CHSY3: variants seen among roughly 807,000 people sequenced by gnomAD.
CHSY3 encodes N-acetylgalactosaminyl-proteoglycan 3-beta-glucuronosyltransferase 3.
Under a neutral mutation model 67.2 loss-of-function variants are expected in CHSY3, and 35 were observed. That is an observed-to-expected ratio of 0.52 (90% CI 0.40 to 0.69). The LOEUF is 0.69. Ranked by LOEUF, CHSY3 falls within the 30% of genes least tolerant of loss-of-function variation. CHSY3 has a pLI of 0.00. For synonymous variants in CHSY3, 474 were observed against 434.7 expected (o/e 1.09, Z -1.12); for missense variants, 1,069 against 1,138.5 (o/e 0.94, Z 0.88).
intron 2 of CHSY3, among the ~76,000 whole-genome samples, chr5:130,024,376 A>T (rs1764479925): frequency 6.6e-6 from 1 of 152,084 alleles, no homozygotes; most frequent in East Asian, 1.9e-4. Context: ...CCATTGCAGC[A>T]GTCTGTATTT....
At chr5:129,931,475 T>C (rs563089664) in intron 2 of CHSY3, among the ~76,000 whole-genome samples, 1 of 152,318 alleles carries the variant, frequency 6.6e-6, no homozygotes, top group Admixed American at 6.5e-5. Context: ...ATTTGATCTA[T>C]AGATATTTGA....
At chr5:130,167,661 T>C (rs1460680491) in intron 2 of CHSY3, among the ~76,000 whole-genome samples, 1 of 152,126 alleles carries the variant, frequency 6.6e-6, no homozygotes, top group Non-Finnish European at 1.5e-5. Context: ...TTACAATATA[T>C]AATACAATCT....
chr5:130,126,896 T>C (rs1436154296), intron 2 of CHSY3, among the ~76,000 whole-genome samples: 3 of 152,216 alleles, frequency 2.0e-5, no homozygotes, highest in Non-Finnish European at 4.4e-5. Context: ...GTGAGCCACC[T>C]CTGTCTGACT....
intron 2 of CHSY3, among the ~76,000 whole-genome samples, chr5:130,167,274 C>T (rs894177978): frequency 6.6e-6 from 1 of 151,896 alleles, no homozygotes; most frequent in South Asian, 2.1e-4. Flanking sequence ...TCAGGCCTTC[C>T]GTGTTTGCTA....
In CHSY3 at chr5:130,040,827, T is replaced by C. The variant is rs143275644; in HGVS notation, c.1086+132467T>C. On this transcript the variant is annotated intron_variant, in intron 2 of 2. Coordinates refer to ENST00000305031, the MANE Select transcript of CHSY3 (RefSeq NM_175856.5). The stretch of plus-strand genomic sequence containing the variant: ...CAAGGCTCTTCCTAAACTCTTTCAG[T>C]GTCTATTCTATACTGATCCCTTTGT... Among the ~76,000 whole-genome samples, 786 of 152,260 alleles carry C rather than the reference T, an allele frequency of 5.2e-3. 3 individuals are homozygous for C. Among genetic ancestry groups the C allele is most frequent in the African/African-American group, 0.018 (747 of 41,566 alleles).
At chr5:130,007,753 C>T (rs1253152512) in intron 2 of CHSY3, among the ~76,000 whole-genome samples, 5 of 152,122 alleles carry the variant, frequency 3.3e-5, no homozygotes, top group Non-Finnish European at 7.4e-5. Context: ...TCGCCAAATT[C>T]CTCTGGGTGG....
At chr5:130,081,089 G>T (rs1490159189) in intron 2 of CHSY3, among the ~76,000 whole-genome samples, 3 of 152,110 alleles carry the variant, frequency 2.0e-5, no homozygotes, top group African/African-American at 7.2e-5. Context: ...TGTTGGGCCT[G>T]CAGAGCAGGC....
At chr5:130,165,821 C>A (rs1769730996) in intron 2 of CHSY3, among the ~76,000 whole-genome samples, 1 of 151,968 alleles carries the variant, frequency 6.6e-6, no homozygotes, top group African/African-American at 2.4e-5. Flanking sequence ...CCCTATAAAT[C>A]ATATATGAAA....
chr5:130,105,713 C>T (rs549013005), intron 2 of CHSY3, among the ~76,000 whole-genome samples: 4 of 151,660 alleles, frequency 2.6e-5, no homozygotes, highest in Non-Finnish European at 5.9e-5. Context: ...CATCCTCAAT[C>T]ATTACTTTTC....
At chr5:130,160,270 G>T (rs1169469179) in intron 2 of CHSY3, among the ~76,000 whole-genome samples, 1 of 152,118 alleles carries the variant, frequency 6.6e-6, no homozygotes, top group East Asian at 1.9e-4. Context: ...CCCAATACTT[G>T]CCTTACTTAG....
At chr5:129,947,769 A>G (rs1761903931) in intron 2 of CHSY3, among the ~76,000 whole-genome samples, 1 of 152,088 alleles carries the variant, frequency 6.6e-6, no homozygotes, top group African/African-American at 2.4e-5. Context: ...TCATGTCTTT[A>G]CCAACATGTA....
intron 2 of CHSY3, chr5:130,001,614 A>G (rs1015969134): frequency 1.2e-6 from 1 of 867,584 alleles, no homozygotes; most frequent in Non-Finnish European, 1.4e-6. Context: ...GTGAGAATTT[A>G]TGTGTTGTTG....
At chr5:130,070,272 T>C (rs1580703689) in intron 2 of CHSY3, among the ~76,000 whole-genome samples, 2 of 152,144 alleles carry the variant, frequency 1.3e-5, no homozygotes, top group East Asian at 3.8e-4. Context: ...TATGTATTCA[T>C]TGTCATAAAA....
chr5:129,954,701 C>T (rs897824223), intron 2 of CHSY3, among the ~76,000 whole-genome samples: 1 of 151,950 alleles, frequency 6.6e-6, no homozygotes, highest in African/African-American at 2.4e-5. Context: ...CCTTCACATT[C>T]CTTGTAAGTT....
chr5:130,087,150 T>C (rs1766667577), intron 2 of CHSY3, among the ~76,000 whole-genome samples: 1 of 151,860 alleles, frequency 6.6e-6, no homozygotes, highest in African/African-American at 2.4e-5. Flanking sequence ...AGAAAAAGCC[T>C]TTGACAAAAT....
intron 2 of CHSY3, among the ~76,000 whole-genome samples, chr5:130,018,324 C>T (rs1285603005): frequency 6.6e-6 from 1 of 152,090 alleles, no homozygotes; most frequent in Non-Finnish European, 1.5e-5. Context: ...TGCAGTGCCT[C>T]TTGCCCAGAT....
At chr5:129,938,842 A>G (rs574035796) in intron 2 of CHSY3, among the ~76,000 whole-genome samples, 25 of 152,072 alleles carry the variant, frequency 1.6e-4, no homozygotes, top group Non-Finnish European at 3.2e-4. Context: ...TCATTTTCTC[A>G]TCTTCTTCTG....
intron 2 of CHSY3, among the ~76,000 whole-genome samples, chr5:130,150,335 T>C (rs896664824): frequency 2.0e-5 from 3 of 152,178 alleles, no homozygotes; most frequent in Admixed American, 2.0e-4. Context: ...AAATTATAAA[T>C]TGTAATCAAC....
chr5:130,044,549 C>A (rs2149667276), intron 2 of CHSY3, among the ~76,000 whole-genome samples: 1 of 152,134 alleles, frequency 6.6e-6, no homozygotes, highest in South Asian at 2.1e-4. Flanking sequence ...AAATAAGTGA[C>A]TCTAAAAGGG....
Sources: gnomAD v4.1 joint callset for allele counts (sites outside exome capture counted in the v4.1 genomes callset) on GRCh38, gnomAD v4.1.1 for gene constraint, MANE v1.5 for transcripts, NCBI Gene and HGNC (gene_info 2026-07-23, HGNC 2026-07-21) for gene names.